PXDNL: variants seen among roughly 807,000 people sequenced by gnomAD.
PXDNL encodes probable oxidoreductase PXDNL.
A neutral mutation model predicts 150.8 loss-of-function variants in PXDNL; 145 were observed. The observed-to-expected ratio is 0.96, with a 90% CI of 0.84 to 1.10. The LOEUF (loss-of-function observed/expected upper bound fraction) is 1.10. Among genes scored for constraint, PXDNL ranks in the 50% least tolerant of loss-of-function variants. The probability of loss-of-function intolerance (pLI) is 0.00; values close to 1 mark genes in which losing one functional copy is unlikely to be tolerated. For synonymous variants in PXDNL, 757 were observed against 725.7 expected (o/e 1.04, Z -0.69); for missense variants, 2,087 against 1,873.9 (o/e 1.11, Z -2.10).
At chr8:51,448,191 T>TC (rs1340594412) in intron 11 of PXDNL, among the ~76,000 whole-genome samples, 1 of 152,206 alleles carries the variant, frequency 6.6e-6, no homozygotes, top group East Asian at 1.9e-4. Flanking sequence ...ATCCAGCCAA[T>TC]CGTCAATCCT....
intron 21 of PXDNL, 50 bp downstream of exon 21, chr8:51,339,574 G>A: frequency 1.9e-6 from 3 of 1,559,402 alleles, no homozygotes; most frequent in Non-Finnish European, 2.6e-6. Flanking sequence ...TTTATGTTTA[G>A]TTATTCCAAC....
At position 51,398,916 on chromosome 8, in the gene PXDNL, C is replaced by T. The variant is rs77570650; in HGVS notation, c.3557+9151G>A. Among the ~76,000 whole-genome samples, 736 of 152,048 alleles carry T rather than the reference C, an allele frequency of 4.8e-3. 5 individuals carry two copies. The highest frequency in any genetic ancestry group is 0.017 in the African/African-American group (712 of 41,460). Reference sequence around the variant, plus strand: ...TGCTCTTATTGAATTAACATTTAAACAAATGTAGAAAGAAAATTAAGAATC... The same window carrying T: ...TGCTCTTATTGAATTAACATTTAAATAAATGTAGAAAGAAAATTAAGAATC... On this transcript the variant is annotated intron_variant, in intron 17 of 22. Coordinates refer to ENST00000356297, the MANE Select transcript of PXDNL (RefSeq NM_144651.5).
Position 51,806,279 on chromosome 8 carries a change from A to G in PXDNL, c.164+2902T>C, listed in dbSNP as rs138754051. Among the ~76,000 whole-genome samples the G allele has an allele frequency of 5.3e-5, 8 of 152,320 alleles. No homozygotes were observed. In the East Asian group the frequency reaches 1.3e-3, roughly 26 times the overall value. ...TTAAGGAAATTTTAACACTACTACT[A>G]ATAAGCATTTACTAAGCATGTTGGC... On this transcript the variant is annotated intron_variant, in intron 1 of 22. Coordinates refer to ENST00000356297, the MANE Select transcript of PXDNL (RefSeq NM_144651.5).
At position 51,719,613 on chromosome 8, in the gene PXDNL, C is replaced by T. The variant is rs184517176; in HGVS notation, c.165-64853G>A. 6.5e-3 allele frequency among the ~76,000 whole-genome samples: 971 copies of T among 149,476 alleles called. 8 individuals carry two copies. The highest frequency in any genetic ancestry group is 0.013 in the South Asian group (62 of 4,720). ...TATGACCCTGCCAAATCCCCCTCTGCGAGAAACACCCAAGAATGATCAATT... is the reference window on the plus strand; with the variant it reads ...TATGACCCTGCCAAATCCCCCTCTGTGAGAAACACCCAAGAATGATCAATT... On this transcript the variant is annotated intron_variant, in intron 1 of 22. Coordinates refer to ENST00000356297, the MANE Select transcript of PXDNL (RefSeq NM_144651.5).
At chr8:51,635,408 A>T (rs1340699990) in intron 2 of PXDNL, among the ~76,000 whole-genome samples, 1 of 152,052 alleles carries the variant, frequency 6.6e-6, no homozygotes, top group African/African-American at 2.4e-5. Context: ...AGAGAAGAGA[A>T]AAACAATAAA....
At position 51,642,383 on chromosome 8, in the gene PXDNL, A is replaced by T. The variant is rs954204609; in HGVS notation, c.236+12306T>A. On this transcript the variant is annotated intron_variant, in intron 2 of 22. Coordinates refer to ENST00000356297, the MANE Select transcript of PXDNL (RefSeq NM_144651.5). Reference sequence around the variant, plus strand: ...AATATAAAATAAAGTGAAATAAAATAAAAAAATGCAAATCAATAAACATAA... The same window carrying T: ...AATATAAAATAAAGTGAAATAAAATTAAAAAATGCAAATCAATAAACATAA... Among the ~76,000 whole-genome samples, 46 of 151,980 alleles carry T rather than the reference A, an allele frequency of 3.0e-4. 1 individual carries two copies. The highest frequency in any genetic ancestry group is 4.8e-4 in the African/African-American group (20 of 41,420).
At chr8:51,658,534 T>C (rs901046536) in intron 1 of PXDNL, among the ~76,000 whole-genome samples, 2 of 152,120 alleles carry the variant, frequency 1.3e-5, no homozygotes, top group African/African-American at 4.8e-5. Flanking sequence ...GGTAAGTACA[T>C]TATAAGCTGA....
intron 4 of PXDNL, among the ~76,000 whole-genome samples, chr8:51,515,851 T>C (rs1811522613): frequency 6.6e-6 from 1 of 152,174 alleles, no homozygotes; most frequent in African/African-American, 2.4e-5. Context: ...TGATATCAGA[T>C]TTCTATTAGT....
intron 4 of PXDNL, among the ~76,000 whole-genome samples, chr8:51,503,392 C>A (rs1563441711): frequency 2.4e-5 from 1 of 41,460 alleles, no homozygotes; most frequent in Non-Finnish European, 5.9e-5. Context: ...CTAACAAAAT[C>A]TTTTTCAAAA....
chr8:51,496,553 T>G (rs1811056550), intron 5 of PXDNL, among the ~76,000 whole-genome samples: 1 of 152,126 alleles, frequency 6.6e-6, no homozygotes, highest in Non-Finnish European at 1.5e-5. Context: ...CCCAAAATCT[T>G]CTTAAGCTGA....
chr8:51,480,433 C>A (rs1585508380), intron 6 of PXDNL, among the ~76,000 whole-genome samples: 3 of 152,222 alleles, frequency 2.0e-5, no homozygotes, highest in African/African-American at 7.2e-5. Flanking sequence ...GGATGCCACA[C>A]TTTATAATGA....
chr8:51,464,726 G>A (rs1563423702), intron 8 of PXDNL, among the ~76,000 whole-genome samples: 1 of 152,118 alleles, frequency 6.6e-6, no homozygotes, highest in Non-Finnish European at 1.5e-5. Flanking sequence ...CGCGGGGTGG[G>A]GAGCTAGGGG....
intron 1 of PXDNL, among the ~76,000 whole-genome samples, chr8:51,801,425 G>T (rs2037619440): frequency 6.6e-6 from 1 of 151,714 alleles, no homozygotes; most frequent in Admixed American, 6.6e-5. Context: ...GCCCTTTAAA[G>T]CTTGTGATCT....
At chr8:51,790,105 G>T (rs1298003095) in intron 1 of PXDNL, among the ~76,000 whole-genome samples, 1 of 151,668 alleles carries the variant, frequency 6.6e-6, no homozygotes, top group Non-Finnish European at 1.5e-5. Context: ...TTTTAAAAGG[G>T]GAAAAAAGCA....
chr8:51,449,780 G>A (rs796702509), intron 10 of PXDNL, among the ~76,000 whole-genome samples: 5 of 152,290 alleles, frequency 3.3e-5, no homozygotes, highest in African/African-American at 1.2e-4. Flanking sequence ...ATGATCCCCA[G>A]TAACGCCTAA....
chr8:51,589,246 T>C (rs1384420403), intron 3 of PXDNL, among the ~76,000 whole-genome samples: 1 of 152,190 alleles, frequency 6.6e-6, no homozygotes, highest in Non-Finnish European at 1.5e-5. Context: ...TCTCTCACAG[T>C]AGCAGAAAAC....
chr8:51,492,361 C>T (rs1257640749), intron 5 of PXDNL, among the ~76,000 whole-genome samples: 1 of 152,106 alleles, frequency 6.6e-6, no homozygotes, highest in Non-Finnish European at 1.5e-5. Flanking sequence ...ATGAGCGACA[C>T]AGAAGACAGG....
intron 17 of PXDNL, among the ~76,000 whole-genome samples, chr8:51,395,582 T>C (rs1808056943): frequency 1.3e-5 from 2 of 152,132 alleles, no homozygotes; most frequent in South Asian, 4.2e-4. Context: ...TAAGTATATA[T>C]TGAATTGAAA....
chr8:51,389,980 A>T (rs1241544932), intron 17 of PXDNL, among the ~76,000 whole-genome samples: 2 of 152,148 alleles, frequency 1.3e-5, no homozygotes, highest in Non-Finnish European at 2.9e-5. Flanking sequence ...ATATATTTTA[A>T]TTCATTTTCA....
Sources: allele counts gnomAD v4.1 joint callset (sites outside exome capture counted in the v4.1 genomes callset), GRCh38; gene constraint gnomAD v4.1.1; transcripts MANE v1.5; gene names NCBI Gene and HGNC (gene_info 2026-07-23, HGNC 2026-07-21).